Variants in ZNF618 observed in about 807,000 individuals in gnomAD.
The protein encoded by ZNF618 is neural precursor cell expressed, developmentally down-regulated 10.
A neutral mutation model predicts 103.0 loss-of-function variants in ZNF618; 34 were observed. The ratio of observed to expected loss-of-function variants is 0.33; its 90% CI spans 0.25 to 0.44. The LOEUF is 0.44. Among genes scored for constraint, ZNF618 ranks in the 20% least tolerant of loss-of-function variants. The pLI is 1.00. For synonymous variants in ZNF618, 551 were observed against 542.2 expected (o/e 1.02, Z -0.23); for missense variants, 1,059 against 1,295.4 (o/e 0.82, Z 2.80).
At chr9:113,910,842 T>C (rs2131432903) in intron 1 of ZNF618, among the ~76,000 whole-genome samples, 1 of 152,126 alleles carries the variant, frequency 6.6e-6, no homozygotes, top group Middle Eastern at 3.4e-3. Flanking sequence ...TTTTTCTTTT[T>C]TTTTTTGAGA....
At chr9:113,903,998 T>G (rs1396019924) in intron 1 of ZNF618, among the ~76,000 whole-genome samples, 2 of 148,920 alleles carry the variant, frequency 1.3e-5, no homozygotes, top group Non-Finnish European at 3.0e-5. Flanking sequence ...CTTCTCCCCT[T>G]CTTCACCCCT....
In ZNF618 at chr9:114,050,394, G is replaced by T; in HGVS notation, c.*227G>T. On this transcript the variant is annotated 3_prime_UTR_variant, in exon 15 of 15. Transcript: ENST00000374126. ...CACGTGCTGTGGTTGTGGGGGTGTG[G>T]GGGGGTCTCTGTGCTCATCTCCATG... The T allele has an allele frequency of 3.9e-6, 2 of 510,504 alleles. No individual in the cohort carries two copies. Among genetic ancestry groups the T allele is most frequent in the Non-Finnish European group, 6.7e-6 (2 of 298,362 alleles). The allele number at this position is 510,504 out of a possible 1,614,324, so 31.6% of individuals were successfully genotyped here.
chr9:113,934,014 TTGAGCTGG>T (rs1833832809), intron 1 of ZNF618, among the ~76,000 whole-genome samples: 1 of 151,900 alleles, frequency 6.6e-6, no homozygotes, highest in Non-Finnish European at 1.5e-5. Context: ...GGAGCAGGGG[TTGAGCTGG>T]TGGGCTGGGG....
chr9:113,990,960 A>C (rs530337941), intron 3 of ZNF618, among the ~76,000 whole-genome samples: 27 of 152,302 alleles, frequency 1.8e-4, no homozygotes, highest in African/African-American at 6.5e-4. Context: ...GAAGACCTGC[A>C]CTTGCTCTCT....
intron 9 of ZNF618, chr9:114,016,076 T>C (rs779955828): frequency 6.5e-7 from 1 of 1,529,484 alleles, no homozygotes; most frequent in Non-Finnish European, 9.1e-7. Flanking sequence ...TTTTATTCTG[T>C]ATTTGTATTT....
At chr9:113,940,299 T>C (rs187490166) in intron 1 of ZNF618, among the ~76,000 whole-genome samples, 1 of 152,232 alleles carries the variant, frequency 6.6e-6, no homozygotes, top group African/African-American at 2.4e-5. Context: ...CAGTTTGTAA[T>C]TGTTCCATGG....
At position 114,052,417 on chromosome 9, in the gene ZNF618, G is replaced by A. The variant is rs1382445114; in HGVS notation, c.*2250G>A. On this transcript the variant is annotated 3_prime_UTR_variant, in exon 15 of 15. Transcript: ENST00000374126. ...TGGGGGACTGAGCCCACTTATCAGA[G>A]AAGAGCCGCCATCCACACTGGAGCA... 2.0e-5 allele frequency: 3 copies of A among 152,638 alleles called. No individual in the cohort carries two copies. Among genetic ancestry groups the A allele is most frequent in the African/African-American group, 7.2e-5 (3 of 41,452 alleles). The allele number at this position is 152,638 out of a possible 1,614,324, so 9.5% of individuals were successfully genotyped here.
intron 11 of ZNF618, among the ~76,000 whole-genome samples, chr9:114,029,418 T>G (rs1339149734): frequency 6.6e-6 from 1 of 152,192 alleles, no homozygotes; most frequent in Non-Finnish European, 1.5e-5. Flanking sequence ...GGACAACGAT[T>G]GGCTGCCTCC....
intron 13 of ZNF618, among the ~76,000 whole-genome samples, chr9:114,038,159 T>C (rs1306600712): frequency 6.6e-6 from 1 of 152,212 alleles, no homozygotes; most frequent in Non-Finnish European, 1.5e-5. Flanking sequence ...ACATATCGCT[T>C]GGTCCTGAGA....
chr9:113,976,384 A>G (rs1224573195), intron 2 of ZNF618, among the ~76,000 whole-genome samples: 1 of 152,214 alleles, frequency 6.6e-6, no homozygotes, highest in Non-Finnish European at 1.5e-5. Flanking sequence ...AGTGCGAAGT[A>G]GGAGGACCTG....
chr9:113,998,316 G>A lies in ZNF618; in HGVS notation c.395G>A (p.Gly132Glu). Residue 132 changes from glycine (G) to glutamate (E), a missense_variant, in exon 4 of 15, where the codon GGG becomes GAG. Coordinates refer to ENST00000374126, the MANE Select transcript of ZNF618 (RefSeq NM_001318042.2). ...GGATCTGTGCGAAGCCGGTATTCAGGGACCTGGATTTTTGACCAAGCATTG... is the reference window on the plus strand; with the variant it reads ...GGATCTGTGCGAAGCCGGTATTCAGAGACCTGGATTTTTGACCAAGCATTG... ...HGGSVRSRYS[G>E]TWIFDQALRY... 1 of 1,550,596 alleles carries A rather than the reference G, an allele frequency of 6.4e-7. No homozygotes were observed. The highest frequency in any genetic ancestry group is 8.7e-7 in the Non-Finnish European group (1 of 1,147,008).
In ZNF618 at chr9:114,028,931, G is replaced by A. The variant is rs1198668904; in HGVS notation, c.1043G>A (p.Arg348His). Reference sequence around the variant, plus strand: ...CCAGCCACCCAAACCCAGACGTTCCGCACTCCAAATTCGGGATCTCCGGCG... The same window carrying A: ...CCAGCCACCCAAACCCAGACGTTCCACACTCCAAATTCGGGATCTCCGGCG... Reference protein sequence around the residue: ...TPPATQTQTFRTPNSGSPASK... With the variant: ...TPPATQTQTFHTPNSGSPASK... Residue 348 changes from arginine (R) to histidine (H), a missense_variant, in exon 11 of 15, where the codon CGC (arginine) becomes CAC (histidine). Coordinates refer to ENST00000374126, the MANE Select transcript of ZNF618 (RefSeq NM_001318042.2). 19 of 1,550,730 alleles carry A rather than the reference G, an allele frequency of 1.2e-5. No individual in the cohort carries two copies. Among genetic ancestry groups the A allele is most frequent in the Non-Finnish European group, 1.7e-5 (19 of 1,147,000 alleles).
Position 114,047,963 on chromosome 9 carries a change from A to G in ZNF618, c.1317A>G (p.Lys439=). The change falls in exon 14 of 15, where the codon AAA becomes AAG. Residue 439 remains lysine (K), a synonymous_variant. Transcript: ENST00000374126. ...CTGCTGTTGTAGAAGAGAAGTGGAAACCTCAGGCCCAGAGGAACAGTGCCA... is the reference window on the plus strand; with the variant it reads ...CTGCTGTTGTAGAAGAGAAGTGGAAGCCTCAGGCCCAGAGGAACAGTGCCA... ...SPPAVVEEKW[K]PQAQRNSANN... is the part of the protein sequence containing the mutation. 6.3e-7 allele frequency: 1 copy of G among 1,597,148 alleles called. No individual in the cohort carries two copies. The highest frequency in any genetic ancestry group is 8.5e-7 in the Non-Finnish European group (1 of 1,171,950).
In ZNF618 at chr9:113,951,558, T is replaced by TACAC. The variant is rs754177181; in HGVS notation, c.34-17559_34-17558insACAC. Among the ~76,000 whole-genome samples, 454 of 54,344 alleles carry TACAC rather than the reference T, an allele frequency of 8.4e-3. 12 individuals carry two copies. Among genetic ancestry groups the TACAC allele is most frequent in the Admixed American group, 9.0e-3 (35 of 3,884 alleles). The allele number at this position is 54,344 out of a possible 152,430, so 35.7% of individuals were successfully genotyped here. ...GTGTACATATGTACACATATGTGTG[T>TACAC]GTATATGTGTGTGTGTATATGTGTG... On this transcript the variant is annotated intron_variant, in intron 1 of 14. Coordinates refer to ENST00000374126, the MANE Select transcript of ZNF618 (RefSeq NM_001318042.2).
chr9:114,028,876 C>A lies in ZNF618; in HGVS notation c.988C>A (p.Arg330=), dbSNP rs1416641048. 1.9e-6 allele frequency: 3 copies of A among 1,550,524 alleles called. No individual in the cohort carries two copies. The Admixed American group carries it at 5.9e-5, about 30-fold the overall frequency. The stretch of plus-strand genomic sequence containing the variant: ...GAAAAAAGCTCCGGCCTCCGTGGTC[C>A]GATGTGCCACCCTCTTACACCGCAC... The part of the protein sequence containing the change: ...SGKKAPASVV[R]CATLLHRTPP... The change falls in exon 11 of 15, where the codon CGA becomes AGA. Residue 330 remains arginine, a synonymous_variant. Coordinates refer to ENST00000374126, the MANE Select transcript of ZNF618 (RefSeq NM_001318042.2).
At chr9:113,955,920 G>C (rs1186001886) in intron 1 of ZNF618, among the ~76,000 whole-genome samples, 1 of 152,100 alleles carries the variant, frequency 6.6e-6, no homozygotes, top group Non-Finnish European at 1.5e-5. Flanking sequence ...TTGGGGGTCA[G>C]GAGGCCTCAG....
intron 13 of ZNF618, among the ~76,000 whole-genome samples, chr9:114,039,144 T>G (rs1391842127): frequency 6.6e-6 from 1 of 152,110 alleles, no homozygotes; most frequent in Non-Finnish European, 1.5e-5. Flanking sequence ...CAGCCTCAGG[T>G]AGACCCTGAT....
At chr9:113,887,068 C>T (rs903581114) in intron 1 of ZNF618, among the ~76,000 whole-genome samples, 45 of 139,362 alleles carry the variant, frequency 3.2e-4, no homozygotes, top group Admixed American at 3.1e-4. Context: ...TTGGACAGTG[C>T]TGATCTAAGC....
chr9:113,886,206 A>C (rs1829056791), intron 1 of ZNF618, among the ~76,000 whole-genome samples: 1 of 152,106 alleles, frequency 6.6e-6, no homozygotes, highest in Non-Finnish European at 1.5e-5. Context: ...TGGCTTGCTT[A>C]CTGGATGTGT....
Sources: allele counts gnomAD v4.1 joint callset (sites outside exome capture counted in the v4.1 genomes callset), GRCh38; gene constraint gnomAD v4.1.1; transcripts MANE v1.5; gene names NCBI Gene and HGNC (gene_info 2026-07-23, HGNC 2026-07-21).